The following GK5 variants were observed in gnomAD, a reference collection of about 807,000 sequenced individuals.
GK5 encodes glycerol kinase 5.
GK5 carries 39 observed loss-of-function variants against 77.3 expected under a neutral mutation model. The observed-to-expected ratio is 0.50, with a 90% CI of 0.39 to 0.66. The LOEUF (loss-of-function observed/expected upper bound fraction) is 0.66. Among genes scored for constraint, GK5 ranks in the 30% least tolerant of loss-of-function variants. The pLI, the probability that GK5 is intolerant of heterozygous loss-of-function variation, is 0.00. For synonymous variants in GK5, 211 were observed against 208.0 expected (o/e 1.01, Z -0.13); for missense variants, 487 against 633.8 (o/e 0.77, Z 2.49).
intron 3 of GK5, among the ~76,000 whole-genome samples, chr3:142,206,614 T>TG (rs1448464520): frequency 5.3e-5 from 8 of 152,250 alleles, no homozygotes; most frequent in African/African-American, 1.9e-4. Context: ...GTTGTTGAAT[T>TG]GTAGGAATTC....
chr3:142,194,634 T>A (rs528157172), intron 5 of GK5, among the ~76,000 whole-genome samples: 5 of 152,022 alleles, frequency 3.3e-5, no homozygotes, highest in African/African-American at 1.2e-4. Context: ...GAGACTACAG[T>A]GAGCTGCGAT....
rs1364587852 is a variant in GK5, at chr3:142,157,652, T to C, written c.*7970A>G. 2.0e-5 allele frequency: 3 copies of C among 152,370 alleles called. No individual in the cohort carries two copies. The highest frequency in any genetic ancestry group is 2.9e-5 in the Non-Finnish European group (2 of 68,034). The allele number at this position is 152,370 out of a possible 1,614,324, so 9.4% of individuals were successfully genotyped here. On this transcript the variant is annotated 3_prime_UTR_variant, in exon 16 of 16. Coordinates refer to ENST00000392993, the MANE Select transcript of GK5 (RefSeq NM_001039547.3). ...AACATCTGCTAGGCTAATTCCATCA[T>C]ATTAGTATATGAAATTATCTTTTCT...
chr3:142,213,719 A>G, intron 2 of GK5, 118 bp from the exon 3 acceptor site: 1 of 627,192 alleles, frequency 1.6e-6, no homozygotes, highest in Non-Finnish European at 2.8e-6. Flanking sequence ...TGGGTTTAGC[A>G]TTCTAACAAA....
intron 3 of GK5, among the ~76,000 whole-genome samples, chr3:142,209,510 T>C (rs944144038): frequency 6.6e-6 from 1 of 152,194 alleles, no homozygotes; most frequent in South Asian, 2.1e-4. Flanking sequence ...CCTGGGTTTA[T>C]TTTATCTCTA....
chr3:142,206,267 G>C (rs1292875402), intron 3 of GK5, among the ~76,000 whole-genome samples: 1 of 151,998 alleles, frequency 6.6e-6, no homozygotes. Context: ...AATTTTTTTA[G>C]GTATATACCT....
intron 12 of GK5, among the ~76,000 whole-genome samples, chr3:142,175,829 T>C (rs2063602048): frequency 6.7e-6 from 1 of 148,362 alleles, no homozygotes; most frequent in South Asian, 2.1e-4. Context: ...AAATATACTT[T>C]ATATTATTAT....
intron 5 of GK5, among the ~76,000 whole-genome samples, chr3:142,194,587 G>A (rs1577130010): frequency 6.6e-6 from 1 of 151,820 alleles, no homozygotes; most frequent in Non-Finnish European, 1.5e-5. Flanking sequence ...AGCTACTCTG[G>A]CGGCTGAAGT....
At chr3:142,224,887 G>T (rs1452047787) in intron 1 of GK5, among the ~76,000 whole-genome samples, 2 of 152,240 alleles carry the variant, frequency 1.3e-5, no homozygotes, top group Non-Finnish European at 2.9e-5. Flanking sequence ...TGTAAATAAA[G>T]ATGTGGTGGG....
At chr3:142,220,440 T>C (rs2064327026) in intron 1 of GK5, among the ~76,000 whole-genome samples, 1 of 152,164 alleles carries the variant, frequency 6.6e-6, no homozygotes, top group Admixed American at 6.5e-5. Context: ...TGGCAACAAA[T>C]GTTTTTAATA....
chr3:142,196,878 A>G (rs1386025863), intron 5 of GK5, among the ~76,000 whole-genome samples: 3 of 152,130 alleles, frequency 2.0e-5, no homozygotes, highest in Non-Finnish European at 2.9e-5. Context: ...TCTTCTGTCT[A>G]GTTATTCTAT....
Position 142,166,368 on chromosome 3 carries a change from T to G in GK5, c.1442-598A>C, listed in dbSNP as rs532312507. On this transcript the variant is annotated intron_variant, in intron 15 of 15. Transcript: ENST00000392993. ...CTTACAGCTTAAGGTAAATGTCAAC[T>G]TTCTGGAATATGCATAAAATTCAAA... Among the ~76,000 whole-genome samples, 4 of 152,358 alleles carry G rather than the reference T, an allele frequency of 2.6e-5. No individual in the cohort carries two copies. In the East Asian group the frequency reaches 7.7e-4, roughly 29 times the overall value.
chr3:142,209,798 T>C (rs1226547832), intron 3 of GK5, among the ~76,000 whole-genome samples: 3 of 152,198 alleles, frequency 2.0e-5, no homozygotes, highest in African/African-American at 7.2e-5. Flanking sequence ...CCCAGCACGG[T>C]GCATTACTCC....
chr3:142,186,672 C>T (rs1463580621), intron 6 of GK5, among the ~76,000 whole-genome samples, 159 bp from the exon 7 acceptor site: 1 of 149,596 alleles, frequency 6.7e-6, no homozygotes, highest in Non-Finnish European at 1.5e-5. Context: ...CACTCGTTGC[C>T]CAGGCTAGAG....
At position 142,187,080 on chromosome 3, in the gene GK5, T is replaced by C. The variant is rs536580628; in HGVS notation, c.620-567A>G. 2.6e-5 allele frequency among the ~76,000 whole-genome samples: 4 copies of C among 152,330 alleles called. No individual in the cohort carries two copies. The East Asian group carries it at 5.8e-4, about 22-fold the overall frequency. On this transcript the variant is annotated intron_variant, in intron 6 of 15. Transcript: ENST00000392993. ...TGACAAAGAGGCTCAAAGATGTTAATGTCACCCATAGTTATACCCACTAGC... is the reference window on the plus strand; with the variant it reads ...TGACAAAGAGGCTCAAAGATGTTAACGTCACCCATAGTTATACCCACTAGC...
chr3:142,216,718 T>A (rs2064281018), intron 1 of GK5, among the ~76,000 whole-genome samples: 1 of 152,130 alleles, frequency 6.6e-6, no homozygotes, highest in African/African-American at 2.4e-5. Context: ...TATGAACTCT[T>A]AGGCTCACCC....
chr3:142,211,773 A>G (rs1467432397), intron 3 of GK5, among the ~76,000 whole-genome samples: 1 of 152,176 alleles, frequency 6.6e-6, no homozygotes, highest in African/African-American at 2.4e-5. Flanking sequence ...CAGCCTAGGT[A>G]GCAAAGTGAA....
rs531830123 is a variant in GK5, at chr3:142,175,471, C to T, written c.1143+2011G>A. 2.4e-4 allele frequency among the ~76,000 whole-genome samples: 37 copies of T among 152,322 alleles called. 1 individual carries two copies. The highest frequency in any genetic ancestry group is 8.9e-4 in the African/African-American group (37 of 41,562). ...TGTAAAAATATTCTAAAACTAAAGGCAGTTTCACAGATACATAAACCTTCC... is the reference window on the plus strand; with the variant it reads ...TGTAAAAATATTCTAAAACTAAAGGTAGTTTCACAGATACATAAACCTTCC... On this transcript the variant is annotated intron_variant, in intron 12 of 15. Coordinates refer to ENST00000392993, the MANE Select transcript of GK5 (RefSeq NM_001039547.3).
intron 2 of GK5, among the ~76,000 whole-genome samples, chr3:142,213,912 TC>T (rs2064234200): frequency 6.6e-6 from 1 of 152,196 alleles, no homozygotes; most frequent in Admixed American, 6.5e-5. Flanking sequence ...AATCTCTGCC[TC>T]CCGGGTTCAA....
At chr3:142,202,079 T>G (rs1291049982) in intron 4 of GK5, among the ~76,000 whole-genome samples, 1 of 152,082 alleles carries the variant, frequency 6.6e-6, no homozygotes, top group Non-Finnish European at 1.5e-5. Flanking sequence ...AAGAAAGGGC[T>G]TGAGTGCTAC....
Sources: gnomAD v4.1 joint callset for allele counts (sites outside exome capture counted in the v4.1 genomes callset) on GRCh38, gnomAD v4.1.1 for gene constraint, MANE v1.5 for transcripts, NCBI Gene and HGNC (gene_info 2026-07-23, HGNC 2026-07-21) for gene names.